SH2B2: variants seen among roughly 807,000 people sequenced by gnomAD.
SH2B2 encodes the protein SH2B adapter protein 2.
SH2B2 carries 37 observed loss-of-function variants against 35.7 expected under a neutral mutation model. The observed-to-expected ratio is 1.04, with a 90% CI of 0.80 to 1.36. The LOEUF (loss-of-function observed/expected upper bound fraction) is 1.36, where lower values mean the gene tolerates loss of function less well. SH2B2 is among the 40% of genes most tolerant of loss of function. The pLI is 0.00. For missense variants in SH2B2, 852 were observed against 817.7 expected (o/e 1.04, Z -0.51); for synonymous variants, 383 against 376.4 (o/e 1.02, Z -0.20).
intron 7 of SH2B2, among the ~76,000 whole-genome samples, chr7:102,319,542 TTGTC>T (rs1255000326): frequency 1.1e-4 from 16 of 152,136 alleles, no homozygotes; most frequent in African/African-American, 3.4e-4. Context: ...ACCTAGCAGA[TTGTC>T]TGTCTTTTAT....
At chr7:102,305,897 T>C (rs1388453921) in intron 2 of SH2B2, among the ~76,000 whole-genome samples, 3 of 143,856 alleles carry the variant, frequency 2.1e-5, no homozygotes, top group South Asian at 2.3e-4. Context: ...TTTTTTCTTT[T>C]TTTTTTTTTT....
Position 102,314,332 on chromosome 7 carries a change from A to G in SH2B2, c.924-4A>G. On this transcript the variant is annotated splice_polypyrimidine_tract_variant and splice_region_variant and intron_variant, in intron 4 of 8. Transcript: ENST00000444095. ...GACATGGTTTCCATTTCTTGTCTCC[A>G]CAGTGACAGTGAGGAAGACACCGAG... 2.5e-6 allele frequency: 1 copy of G among 398,650 alleles called. No individual in the cohort carries two copies. The highest frequency in any genetic ancestry group is 4.4e-6 in the Non-Finnish European group (1 of 226,100). 24.7% of individuals were successfully genotyped at this position (398,650 alleles called of 1,614,324 possible).
rs1404603448 is a variant in SH2B2 at position 102,300,589 on chromosome 7, G to GGTCCCA, written c.45_50dup (p.Val20_Pro21dup). On this transcript the variant is annotated inframe_insertion, in exon 2 of 9. Transcript: ENST00000444095. ...GCCCTGGCCCCGCCGCAGCCGCCCC[G>GGTCCCA]GTCCCAGTCCCGGTCCCGGTCCCGG... The GGTCCCA allele has an allele frequency of 1.3e-6, 2 of 1,549,678 alleles. No individual in the cohort carries two copies. The highest frequency in any genetic ancestry group is 2.4e-5 in the East Asian group (1 of 40,980).
intron 1 of SH2B2, among the ~76,000 whole-genome samples, chr7:102,292,003 G>C (rs909158275): frequency 6.6e-6 from 1 of 152,114 alleles, no homozygotes; most frequent in Admixed American, 6.5e-5. Context: ...GATTGAAGGA[G>C]CCTATGTTGT....
intron 1 of SH2B2, among the ~76,000 whole-genome samples, chr7:102,288,014 G>T (rs186285301): frequency 1.0e-3 from 154 of 152,318 alleles, no homozygotes; most frequent in Non-Finnish European, 5.4e-4. Context: ...ATGCCCCCGA[G>T]CCAACATCAC....
Position 102,301,157 on chromosome 7 carries a change from A to C in SH2B2, c.607A>C (p.Met203Leu), listed in dbSNP as rs782152153. The C allele has an allele frequency of 1.0e-4, 164 of 1,566,152 alleles. No homozygotes were observed. Among genetic ancestry groups the C allele is most frequent in the East Asian group, 2.4e-4 (10 of 41,484 alleles). ...TCAACGCGAGGGGGCGCTGCGCTTC[A>C]TGGTGGCCGACGACGCGGCCGCGGG... ...DIQREGALRF[M>L]VADDAAAGSG... The change falls in exon 2 of 9, where the codon ATG becomes CTG. Residue 203 changes from methionine (M) to leucine (L), a missense_variant. Transcript: ENST00000444095.
intron 2 of SH2B2, among the ~76,000 whole-genome samples, chr7:102,305,126 C>A (rs370412281): frequency 6.6e-6 from 1 of 152,186 alleles, no homozygotes; most frequent in African/African-American, 2.4e-5. Flanking sequence ...TTTACTCACT[C>A]CAGGAAACAG....
At chr7:102,308,249 C>G (rs921146821) in intron 3 of SH2B2, among the ~76,000 whole-genome samples, 1 of 152,248 alleles carries the variant, frequency 6.6e-6, no homozygotes, top group African/African-American at 2.4e-5. Context: ...AATGGCTCCT[C>G]TCCCTCACAG....
rs1801728 is a variant in SH2B2 at position 102,314,385 on chromosome 7, G to C, written c.973G>C (p.Ala325Pro). Residue 325 changes from alanine (A) to proline (P), a missense_variant, in exon 5 of 9, where the codon GCC (alanine) becomes CCC (proline). Transcript: ENST00000444095. ...CTCCTGTACCCGAGGAGGCTGTCTG[G>C]CCAGCCGCGTGGCCTCCTGCAGCTG... ...ELSCTRGGCL[A>P]SRVASCSCEL... The C allele has an allele frequency of 0.036, 14,257 of 398,780 alleles. 370 individuals are homozygous for C. Among genetic ancestry groups the C allele is most frequent in the Non-Finnish European group, 0.046 (10,457 of 226,210 alleles). The allele number at this position is 398,780 out of a possible 1,614,324, so 24.7% of individuals were successfully genotyped here.
chr7:102,288,875 CA>C (rs1467384231), intron 1 of SH2B2, among the ~76,000 whole-genome samples: 1 of 152,204 alleles, frequency 6.6e-6, no homozygotes, highest in Non-Finnish European at 1.5e-5. Flanking sequence ...AAGAGGCTGG[CA>C]CTTCTTGCCC....
In SH2B2 at chr7:102,303,557, A is replaced by G. The variant is rs545584798; in HGVS notation, c.729+2278A>G. Reference sequence around the variant, plus strand: ...AAAGTGACTTCCCAGGGACACAGCTACTCTCTGAAGAGCTTTTTCCCCAGG... The same window carrying G: ...AAAGTGACTTCCCAGGGACACAGCTGCTCTCTGAAGAGCTTTTTCCCCAGG... On this transcript the variant is annotated intron_variant, in intron 2 of 8. Transcript: ENST00000444095. Among the ~76,000 whole-genome samples the G allele has an allele frequency of 3.7e-4, 56 of 151,824 alleles. 1 individual carries two copies. The highest frequency in any genetic ancestry group is 2.9e-3 in the Admixed American group (45 of 15,268).
rs1231219576 is a variant in SH2B2, at chr7:102,321,316, C to A, written c.1585C>A (p.Pro529Thr). The change falls in exon 9 of 9, where the codon CCT becomes ACT. Residue 529 changes from proline (P) to threonine (T), a missense_variant. Coordinates refer to ENST00000444095, the MANE Select transcript of SH2B2 (RefSeq NM_001359228.2). Reference protein sequence around the residue: ...DPPPEPGPTPPAAPASPACWS... With the variant: ...DPPPEPGPTPTAAPASPACWS... ...TGTTGCAGAGCCGGGCCCCACGCCC[C>A]CTGCCGCGCCCGCGTCCCCGGCCTG... is the stretch of plus-strand genomic sequence containing the variant. The A allele has an allele frequency of 7.0e-7, 1 of 1,424,608 alleles. No homozygotes were observed. Among genetic ancestry groups the A allele is most frequent in the South Asian group, 1.4e-5 (1 of 70,994 alleles). The allele number at this position is 1,424,608 out of a possible 1,614,324, so 88.2% of individuals were successfully genotyped here. A position where few individuals can be genotyped will look rare whatever the true frequency, so the allele number is the denominator to read the frequency against.
chr7:102,300,323 C>G (rs1374007244), intron 1 of SH2B2, among the ~76,000 whole-genome samples, 199 bp from the exon 2 acceptor site: 1 of 152,172 alleles, frequency 6.6e-6, no homozygotes, highest in East Asian at 1.9e-4. Flanking sequence ...GGCCACCGCG[C>G]CCGGCCCCAG....
chr7:102,295,094 C>T (rs1319396125), intron 1 of SH2B2, among the ~76,000 whole-genome samples: 2 of 152,180 alleles, frequency 1.3e-5, no homozygotes, highest in Non-Finnish European at 2.9e-5. Flanking sequence ...GCCCTGTCCC[C>T]CATCTCTGTG....
chr7:102,311,726 A>C (rs1257146930), intron 4 of SH2B2, among the ~76,000 whole-genome samples: 5 of 152,020 alleles, frequency 3.3e-5, no homozygotes, highest in Non-Finnish European at 5.9e-5. Context: ...ATAGGAGAAA[A>C]AGCATGTAAA....
At chr7:102,320,780 CAG>C (rs1289937253) in intron 8 of SH2B2, among the ~76,000 whole-genome samples, 9 of 151,704 alleles carry the variant, frequency 5.9e-5, no homozygotes, top group Non-Finnish European at 1.0e-4. Flanking sequence ...GGGGTGGGGA[CAG>C]GGGTGTGGAT....
chr7:102,300,701 G>A lies in SH2B2; in HGVS notation c.151G>A (p.Ala51Thr), dbSNP rs1793123713. 6.5e-7 allele frequency: 1 copy of A among 1,542,954 alleles called. No homozygotes were observed. Among genetic ancestry groups the A allele is most frequent in the Non-Finnish European group, 8.8e-7 (1 of 1,141,350 alleles). Reference protein sequence around the residue: ...KFCRFLRDNPAYDTPDAGASF... With the variant: ...KFCRFLRDNPTYDTPDAGASF... ...CTGCCGTTTCCTGCGGGACAACCCA[G>A]CTTACGACACGCCCGACGCCGGCGC... The change falls in exon 2 of 9, where the codon GCT becomes ACT. Residue 51 changes from alanine (A) to threonine (T), a missense_variant. Coordinates refer to ENST00000444095, the MANE Select transcript of SH2B2 (RefSeq NM_001359228.2).
intron 8 of SH2B2, among the ~76,000 whole-genome samples, chr7:102,320,741 C>T (rs1424710319): frequency 2.0e-5 from 3 of 151,516 alleles, no homozygotes; most frequent in African/African-American, 4.9e-5. Flanking sequence ...GGGAAGGGGG[C>T]GCCCAACAGC....
At chr7:102,319,802 C>T (rs1269439372) in intron 7 of SH2B2, among the ~76,000 whole-genome samples, 3 of 152,118 alleles carry the variant, frequency 2.0e-5, no homozygotes, top group Admixed American at 2.0e-4. Context: ...TAGAGAGAAG[C>T]CAGCCCTGTT....
Sources: allele counts gnomAD v4.1 joint callset (sites outside exome capture counted in the v4.1 genomes callset), GRCh38; gene constraint gnomAD v4.1.1; transcripts MANE v1.5; gene names NCBI Gene and HGNC (gene_info 2026-07-23, HGNC 2026-07-21).